Variants in BTN3A1 observed in about 807,000 individuals in gnomAD.
BTN3A1 encodes butyrophilin subfamily 3 member A1.
In BTN3A1, 24 loss-of-function variants were observed where a neutral mutation model predicts 43.0. That is an observed-to-expected ratio of 0.56 (90% CI 0.40 to 0.78). The LOEUF (loss-of-function observed/expected upper bound fraction) is 0.78, where lower values mean the gene tolerates loss of function less well. BTN3A1 is among the 30% of genes least tolerant of loss of function. The pLI, the probability that BTN3A1 is intolerant of heterozygous loss-of-function variation, is 0.00. For missense variants in BTN3A1, 533 were observed against 626.2 expected, an observed-to-expected ratio of 0.85 and a Z score of 1.59; for synonymous variants, 181 against 234.7, an observed-to-expected ratio of 0.77 and a Z score of 2.09.
Position 26,413,689 on chromosome 6 carries a change from G to A in BTN3A1, c.1539G>A (p.Ala513=), listed in dbSNP as rs767759921. 8.0e-5 allele frequency: 129 copies of A among 1,612,404 alleles called. No individual in the cohort carries two copies. Among genetic ancestry groups the A allele is most frequent in the Admixed American group, 2.5e-4 (15 of 59,874 alleles). The stretch of plus-strand genomic sequence containing the variant: ...CCACGGCCCTGACTATTTGTCCAGC[G>A]TGAAAAGAAGAAGAGAGTTCCTCCA... ...LEPTALTICP[A] is the part of the protein sequence containing the mutation. The change falls in exon 10 of 10, where the codon GCG becomes GCA. Residue 513 remains alanine, a synonymous_variant. Coordinates refer to ENST00000289361, the MANE Select transcript of BTN3A1 (RefSeq NM_007048.6).
chr6:26,413,557 A>G lies in BTN3A1; in HGVS notation c.1407A>G (p.Gly469=). 6.2e-7 allele frequency: 1 copy of G among 1,614,124 alleles called. No homozygotes were observed. The highest frequency in any genetic ancestry group is 8.5e-7 in the Non-Finnish European group (1 of 1,180,030). Residue 469 remains glycine, a synonymous_variant, in exon 10 of 10, where the codon GGA becomes GGG. Coordinates refer to ENST00000289361, the MANE Select transcript of BTN3A1 (RefSeq NM_007048.6). The part of the protein sequence containing the change: ...KVGVFLDYET[G]DISFYNAVDG... Reference sequence around the variant, plus strand: ...GGGTCTTCCTGGACTATGAGACTGGAGATATCTCATTCTACAATGCTGTGG... The same window carrying G: ...GGGTCTTCCTGGACTATGAGACTGGGGATATCTCATTCTACAATGCTGTGG...
chr6:26,406,733 A>T (rs944055652), intron 3 of BTN3A1, among the ~76,000 whole-genome samples: 3 of 152,196 alleles, frequency 2.0e-5, no homozygotes, highest in African/African-American at 7.2e-5. Flanking sequence ...TGTTGCAGTG[A>T]GGAAGAACAC....
chr6:26,405,872 A>C, intron 2 of BTN3A1, 37 bp from the exon 3 acceptor site: 1 of 1,613,312 alleles, frequency 6.2e-7, no homozygotes, highest in East Asian at 2.2e-5. Context: ...CCCCAACTCC[A>C]AAACCCTCTG....
chr6:26,410,603 C>T (rs1762176002), intron 7 of BTN3A1, among the ~76,000 whole-genome samples: 1 of 152,010 alleles, frequency 6.6e-6, no homozygotes, highest in Admixed American at 6.6e-5. Context: ...TTCTAACTGA[C>T]TTCAAACACT....
chr6:26,412,393 C>A (rs1581633459), intron 9 of BTN3A1: 2 of 836,746 alleles, frequency 2.4e-6, no homozygotes, highest in South Asian at 2.9e-5. Context: ...CTTTCTTTCT[C>A]CTTCCAATCT....
chr6:26,410,122 G>A (rs1012398735), intron 7 of BTN3A1, 90 bp downstream of exon 7: 10 of 1,557,274 alleles, frequency 6.4e-6, no homozygotes, highest in Non-Finnish European at 8.8e-6. Context: ...CCAAGGTTGG[G>A]AAGTGGTCTT....
intron 8 of BTN3A1, 139 bp downstream of exon 8, chr6:26,411,274 G>C: frequency 1.6e-6 from 2 of 1,217,598 alleles, no homozygotes; most frequent in Non-Finnish European, 2.3e-6. Flanking sequence ...TGTTGTGGGG[G>C]GTTGATTTCT....
At chr6:26,402,525 G>C (rs564228492) in intron 1 of BTN3A1, 113 bp downstream of exon 1, 13 of 152,394 alleles carry the variant, frequency 8.5e-5, no homozygotes, top group Non-Finnish European at 1.9e-4. Context: ...AGAGAAAGGG[G>C]TGTGTGCCTG....
chr6:26,407,618 A>T, intron 3 of BTN3A1, 53 bp from the exon 4 acceptor site: 1 of 1,576,418 alleles, frequency 6.3e-7, no homozygotes, highest in East Asian at 2.2e-5. Context: ...TCCTTTTGAG[A>T]CCCTCTCTGA....
chr6:26,411,486 G>A (rs1427051779), intron 8 of BTN3A1, 69 bp from the exon 9 acceptor site: 11 of 1,532,842 alleles, frequency 7.2e-6, no homozygotes, highest in Non-Finnish European at 9.0e-6. Context: ...CATGTAGTGA[G>A]GGGAGAGTGC....
intron 4 of BTN3A1, among the ~76,000 whole-genome samples, chr6:26,408,681 AT>A (rs1762102936): frequency 1.3e-5 from 2 of 152,326 alleles, no homozygotes; most frequent in Middle Eastern, 3.4e-3. Context: ...GTAAAAAGTT[AT>A]TTTTTATAGC....
chr6:26,407,466 G>A (rs1762056601), intron 3 of BTN3A1, among the ~76,000 whole-genome samples: 2 of 152,144 alleles, frequency 1.3e-5, no homozygotes, highest in African/African-American at 4.8e-5. Context: ...TGGTAACTGT[G>A]GTGGGTGGGA....
chr6:26,414,589 G>C lies in BTN3A1; in HGVS notation c.*897G>C, dbSNP rs1241786741. On this transcript the variant is annotated 3_prime_UTR_variant, in exon 10 of 10. Coordinates refer to ENST00000289361, the MANE Select transcript of BTN3A1 (RefSeq NM_007048.6). ...TGTGATAAGTGATCATGCAGCCAGAGCCAGCCTTCCTTCAATCAAGGTTTC... is the reference window on the plus strand; with the variant it reads ...TGTGATAAGTGATCATGCAGCCAGACCCAGCCTTCCTTCAATCAAGGTTTC... 6.6e-6 allele frequency: 1 copy of C among 152,204 alleles called. No homozygotes were observed. The highest frequency in any genetic ancestry group is 1.5e-5 in the Non-Finnish European group (1 of 68,050). The allele number at this position is 152,204 out of a possible 1,614,324, so 9.4% of individuals were successfully genotyped here.
rs372233454 is a variant in BTN3A1 at position 26,405,913 on chromosome 6, G to A, written c.90G>A (p.Gln30=). 11 of 1,613,768 alleles carry A rather than the reference G, an allele frequency of 6.8e-6. No individual in the cohort carries two copies. Among genetic ancestry groups the A allele is most frequent in the Non-Finnish European group, 9.3e-6 (11 of 1,179,716 alleles). ...TCCTCCCCCTTGTGCCTACAGCTCA[G>A]TTTTCTGTGCTTGGACCCTCTGGGC... ...LLQLLMPHSA[Q]FSVLGPSGPI... is the part of the protein sequence containing the mutation. The change falls in exon 3 of 10, where the codon CAG becomes CAA. Residue 30 remains glutamine, a synonymous_variant. Transcript: ENST00000289361.
Position 26,407,835 on chromosome 6 carries a change from G to A in BTN3A1, c.598G>A (p.Gly200Ser), listed in dbSNP as rs1236107628. ...AGCACCTGTGGTTGCAGACGGAGTG[G>A]GCCTGTATGCAGTAGCAGCATCTGT... ...VEAPVVADGV[G>S]LYAVAASVIM... Residue 200 changes from glycine (G) to serine (S), a missense_variant, in exon 4 of 10, where the codon GGC (glycine) becomes AGC (serine). Around this residue, in one of 4 missense-constraint regions of BTN3A1, gnomAD observed 415 missense variants for 427.0 expected, o/e 0.97. Coordinates refer to ENST00000289361, the MANE Select transcript of BTN3A1 (RefSeq NM_007048.6). The A allele has an allele frequency of 6.2e-7, 1 of 1,614,072 alleles. No homozygotes were observed. The highest frequency in any genetic ancestry group is 8.5e-7 in the Non-Finnish European group (1 of 1,180,040).
In BTN3A1 at chr6:26,405,532, C is replaced by T. The variant is rs776692073; in HGVS notation, c.-32C>T. The T allele has an allele frequency of 6.2e-7, 1 of 1,601,398 alleles. No individual in the cohort carries two copies. The highest frequency in any genetic ancestry group is 1.7e-5 in the Admixed American group (1 of 60,002). On this transcript the variant is annotated 5_prime_UTR_variant, in exon 2 of 10. Coordinates refer to ENST00000289361, the MANE Select transcript of BTN3A1 (RefSeq NM_007048.6). ...CTTCCAGGTCATAGTGTCTGCCCCC[C>T]ACCTTCCAGTATCTCCTGATATGCA...
intron 1 of BTN3A1, among the ~76,000 whole-genome samples, chr6:26,402,942 A>G (rs1268120346): frequency 1.3e-5 from 2 of 152,276 alleles, no homozygotes; most frequent in Non-Finnish European, 2.9e-5. Flanking sequence ...TGTTAGATCC[A>G]TACATTAAAC....
intron 3 of BTN3A1, among the ~76,000 whole-genome samples, chr6:26,407,055 C>T (rs911495400): frequency 6.6e-6 from 1 of 152,182 alleles, no homozygotes; most frequent in African/African-American, 2.4e-5. Context: ...TTTCTCTGTG[C>T]TCACACATGA....
intron 1 of BTN3A1, among the ~76,000 whole-genome samples, chr6:26,402,860 A>G (rs1285517319): frequency 1.3e-5 from 2 of 152,220 alleles, no homozygotes; most frequent in East Asian, 1.9e-4. Flanking sequence ...TGGTTCAATC[A>G]TAAAAGAGAT....
Sources: allele counts gnomAD v4.1 joint callset (sites outside exome capture counted in the v4.1 genomes callset), GRCh38; gene constraint gnomAD v4.1.1; regional missense constraint gnomAD v4.1.1; transcripts MANE v1.5; gene names NCBI Gene and HGNC (gene_info 2026-07-23, HGNC 2026-07-21).